APOL2: variants seen among roughly 807,000 people sequenced by gnomAD.
APOL2 encodes the protein apolipoprotein L, 2.
APOL2 carries 8 observed loss-of-function variants against 7.1 expected under a neutral mutation model. That is an observed-to-expected ratio of 1.12 (90% CI 0.66 to 2.03). The LOEUF (loss-of-function observed/expected upper bound fraction) is 2.03, where lower values mean the gene tolerates loss of function less well. Ranked by LOEUF, APOL2 falls within the 30% of genes most tolerant of loss-of-function variation. The probability of loss-of-function intolerance (pLI) is 0.00; values close to 1 mark genes in which losing one functional copy is unlikely to be tolerated. For synonymous variants in APOL2, 177 were observed against 159.9 expected (o/e 1.11, Z -0.81); for missense variants, 471 against 415.1 (o/e 1.13, Z -1.17).
At position 36,233,523 on chromosome 22, in the gene APOL2, G is replaced by A. The variant is rs537456625; in HGVS notation, c.-133-68C>T. On this transcript the variant is annotated intron_variant, in intron 1 of 4. Coordinates refer to ENST00000358502, the MANE Select transcript of APOL2 (RefSeq NM_030882.4). ...ATCTGATCATTACAGAAACTACAGAGTCTATACACAGGAATAGAGATGGGA... is the reference window on the plus strand; with the variant it reads ...ATCTGATCATTACAGAAACTACAGAATCTATACACAGGAATAGAGATGGGA... 3.5e-5 allele frequency: 49 copies of A among 1,385,472 alleles called. No homozygotes were observed. In the East Asian group the frequency reaches 6.5e-4, roughly 18 times the overall value. 85.8% of individuals were successfully genotyped at this position (1,385,472 alleles called of 1,614,324 possible).
At position 36,233,381 on chromosome 22, in the gene APOL2, CTAG is replaced by C; in HGVS notation, c.-80+18_-80+20del. ...TGTTTATCTCCTGGGGCCCTGCCAG[CTAG>C]TATTTACAGAAACTCACCTCGTTCC... On this transcript the variant is annotated intron_variant, in intron 2 of 4. Coordinates refer to ENST00000358502, the MANE Select transcript of APOL2 (RefSeq NM_030882.4). 1 of 1,554,992 alleles carries C rather than the reference CTAG, an allele frequency of 6.4e-7. No individual in the cohort carries two copies. The highest frequency in any genetic ancestry group is 8.7e-7 in the Non-Finnish European group (1 of 1,150,550).
chr22:36,239,260 G>A, intron 1 of APOL2, 181 bp downstream of exon 1: 1 of 1,377,502 alleles, frequency 7.3e-7, no homozygotes, highest in East Asian at 2.7e-5. Context: ...CCCAGCAGGA[G>A]GGAGGGAGCA....
chr22:36,237,223 G>T, intron 1 of APOL2: 2 of 1,382,260 alleles, frequency 1.4e-6, no homozygotes, highest in Non-Finnish European at 1.9e-6. Context: ...GAGCCTGCAG[G>T]CTGGTCAATT....
At chr22:36,232,379 C>T (rs373436602) in intron 3 of APOL2, among the ~76,000 whole-genome samples, 13 of 152,178 alleles carry the variant, frequency 8.5e-5, no homozygotes, top group South Asian at 4.1e-4. Context: ...CAGTGCAGGG[C>T]GGGTGCCCTA....
chr22:36,230,193 C>G (rs766300516), intron 4 of APOL2, among the ~76,000 whole-genome samples: 1 of 152,230 alleles, frequency 6.6e-6, no homozygotes, highest in Non-Finnish European at 1.5e-5. Flanking sequence ...CTTTGTGAGT[C>G]TGCTCAGTAC....
At chr22:36,239,331 C>T (rs919727836) in intron 1 of APOL2, 110 bp downstream of exon 1, 5 of 1,358,462 alleles carry the variant, frequency 3.7e-6, no homozygotes, top group Middle Eastern at 2.6e-4. Flanking sequence ...CTGATCTGAA[C>T]CAGCTACCTA....
chr22:36,234,277 A>C (rs2015328655), intron 1 of APOL2: 1 of 152,340 alleles, frequency 6.6e-6, no homozygotes, highest in South Asian at 2.1e-4. Context: ...TTCACACTCA[A>C]ACTAACAGGA....
At chr22:36,228,345 C>A (rs555127468) in intron 4 of APOL2, 65 bp from the exon 5 acceptor site, 20 of 1,536,996 alleles carry the variant, frequency 1.3e-5, no homozygotes, top group Admixed American at 2.0e-5. Flanking sequence ...GAGCTCCATG[C>A]GATCTCTATC....
chr22:36,227,446 G>A lies in APOL2; in HGVS notation c.972C>T (p.Leu324=), dbSNP rs770262707. The change falls in exon 5 of 5, where the codon CTC becomes CTT. Residue 324 remains leucine, a synonymous_variant. Coordinates refer to ENST00000358502, the MANE Select transcript of APOL2 (RefSeq NM_030882.4). ...AQELEGKLNF[L]TKIHEMLQPG... ...GCTGCAGCATCTCATGGATCTTGGT[G>A]AGAAAGTTGAGCTTCCCCTCCAGCT... 6.2e-7 allele frequency: 1 copy of A among 1,612,308 alleles called. No individual in the cohort carries two copies. The highest frequency in any genetic ancestry group is 1.3e-5 in the African/African-American group (1 of 74,986).
rs1364756835 is a variant in APOL2, at chr22:36,237,970, A to T, written c.-134+1471T>A. 2.0e-5 allele frequency among the ~76,000 whole-genome samples: 3 copies of T among 152,022 alleles called. No homozygotes were observed. In the East Asian group the frequency reaches 5.8e-4, roughly 29 times the overall value. On this transcript the variant is annotated intron_variant, in intron 1 of 4. Transcript: ENST00000358502. Reference sequence around the variant, plus strand: ...CCCCCCCACTGTCCCCACCATGTGCAAGTCACCTGTCCTCAGAGACCCACC... The same window carrying T: ...CCCCCCCACTGTCCCCACCATGTGCTAGTCACCTGTCCTCAGAGACCCACC...
chr22:36,238,008 G>A (rs2015469225), intron 1 of APOL2, among the ~76,000 whole-genome samples: 1 of 152,136 alleles, frequency 6.6e-6, no homozygotes, highest in South Asian at 2.1e-4. Context: ...AAGCTGCCTG[G>A]TCCATGCGGC....
intron 1 of APOL2, among the ~76,000 whole-genome samples, chr22:36,234,964 T>C (rs1225308543): frequency 6.6e-6 from 1 of 151,946 alleles, no homozygotes; most frequent in Non-Finnish European, 1.5e-5. Flanking sequence ...CCAATGAAAA[T>C]TTAAATGAGG....
In APOL2 at chr22:36,233,190, C is replaced by T; in HGVS notation, c.-28G>A. ...TGCCAGCGGCTGGGTTACCGAGGGG[C>T]TTTCCTTGGAGCTCTCCAGTCACTG... On this transcript the variant is annotated 5_prime_UTR_variant, in exon 3 of 5. Transcript: ENST00000358502. The T allele has an allele frequency of 6.2e-6, 10 of 1,614,128 alleles. No homozygotes were observed. Among genetic ancestry groups the T allele is most frequent in the Non-Finnish European group, 8.5e-6 (10 of 1,180,012 alleles).
At chr22:36,235,748 G>GTGTGT (rs1569532868) in intron 1 of APOL2, among the ~76,000 whole-genome samples, 13 of 110,698 alleles carry the variant, frequency 1.2e-4, no homozygotes, top group Non-Finnish European at 1.5e-4. Context: ...AGAAAGGGTG[G>GTGTGT]GTGGGTGGGT....
chr22:36,226,486 C>A lies in APOL2; in HGVS notation c.*918G>T, dbSNP rs923252524. The A allele has an allele frequency of 6.6e-6, 1 of 152,318 alleles. No homozygotes were observed. Among genetic ancestry groups the A allele is most frequent in the Non-Finnish European group, 1.5e-5 (1 of 68,158 alleles). The allele number at this position is 152,318 out of a possible 1,614,324, so 9.4% of individuals were successfully genotyped here. A position where few individuals can be genotyped will look rare whatever the true frequency, so the allele number is the denominator to read the frequency against. On this transcript the variant is annotated 3_prime_UTR_variant, in exon 5 of 5. Transcript: ENST00000358502. ...TCAGGGTTCAAGCAGGGGACATGCA[C>A]CCTTTAGTAACCTGGAGGGGACCCG...
At chr22:36,233,718 A>G (rs1396996024) in intron 1 of APOL2, among the ~76,000 whole-genome samples, 1 of 152,242 alleles carries the variant, frequency 6.6e-6, no homozygotes, top group African/African-American at 2.4e-5. Context: ...ACACAGAGGA[A>G]TCCACAAAAG....
At chr22:36,235,755 GGGTGTGTGTGTGT>G (rs2015382273) in intron 1 of APOL2, among the ~76,000 whole-genome samples, 1 of 99,036 alleles carries the variant, frequency 1.0e-5, no homozygotes, top group Non-Finnish European at 2.1e-5. Flanking sequence ...GTGGGTGGGT[GGGTGTGTGTGTGT>G]GTGTGTGTGT....
intron 1 of APOL2, among the ~76,000 whole-genome samples, chr22:36,234,881 C>T (rs893283910): frequency 5.9e-5 from 9 of 152,320 alleles, no homozygotes; most frequent in East Asian, 3.8e-4. Context: ...GAATCTACTA[C>T]GTGGTAAAGA....
intron 1 of APOL2, among the ~76,000 whole-genome samples, chr22:36,235,691 C>A (rs2015373680): frequency 6.7e-6 from 1 of 150,132 alleles, no homozygotes; most frequent in Admixed American, 6.7e-5. Context: ...GGCACAGGGT[C>A]ACAGGGTGTT....
Sources: gnomAD v4.1 joint callset for allele counts (sites outside exome capture counted in the v4.1 genomes callset) on GRCh38, gnomAD v4.1.1 for gene constraint, MANE v1.5 for transcripts, NCBI Gene and HGNC (gene_info 2026-07-23, HGNC 2026-07-21) for gene names.